The following VIT variants were observed in gnomAD, a reference collection of about 807,000 sequenced individuals.
The protein encoded by VIT is vitrin.
In VIT, 99 loss-of-function variants were observed where a neutral mutation model predicts 78.0. The observed-to-expected ratio is 1.27, with a 90% CI of 1.08 to 1.50. The LOEUF (loss-of-function observed/expected upper bound fraction) is 1.50, where lower values mean the gene tolerates loss of function less well. Ranked by LOEUF, VIT falls within the 40% of genes most tolerant of loss-of-function variation. The pLI is 0.00. For missense variants in VIT, 1,126 were observed against 875.3 expected (o/e 1.29, Z -3.61); for synonymous variants, 374 against 334.3 (o/e 1.12, Z -1.29).
intron 12 of VIT, among the ~76,000 whole-genome samples, chr2:36,796,250 A>G (rs1665893955): frequency 6.6e-6 from 1 of 152,246 alleles, no homozygotes; most frequent in African/African-American, 2.4e-5. Flanking sequence ...TACTGCATAT[A>G]ATTAACTATT....
intron 1 of VIT, among the ~76,000 whole-genome samples, chr2:36,703,283 G>A (rs73924159): frequency 2.6e-5 from 4 of 152,270 alleles, no homozygotes; most frequent in African/African-American, 9.6e-5. Context: ...ACAAGTTATA[G>A]GCATTTTCCC....
At chr2:36,764,384 G>A (rs1369518481) in intron 6 of VIT, among the ~76,000 whole-genome samples, 2 of 152,234 alleles carry the variant, frequency 1.3e-5, no homozygotes, top group Non-Finnish European at 2.9e-5. Flanking sequence ...ATGCCTGGTA[G>A]CATTACCAGA....
At chr2:36,756,028 G>T (rs1668743376) in intron 5 of VIT, among the ~76,000 whole-genome samples, 1 of 145,518 alleles carries the variant, frequency 6.9e-6, no homozygotes, top group South Asian at 2.2e-4. Context: ...CACGATCTCG[G>T]CTCACCGCAA....
chr2:36,706,913 C>T (rs551683877), intron 1 of VIT, among the ~76,000 whole-genome samples: 21 of 152,090 alleles, frequency 1.4e-4, no homozygotes, highest in Non-Finnish European at 2.6e-4. Flanking sequence ...GTAGAAAGTG[C>T]GCAATATTAA....
chr2:36,744,448 A>G (rs775189448), intron 4 of VIT, among the ~76,000 whole-genome samples: 9 of 152,234 alleles, frequency 5.9e-5, no homozygotes, highest in Non-Finnish European at 1.0e-4. Context: ...CCAACAATGT[A>G]TAAGCATTCC....
intron 2 of VIT, 101 bp downstream of exon 2, chr2:36,716,523 A>T: frequency 1.1e-6 from 1 of 935,626 alleles, no homozygotes; most frequent in Non-Finnish European, 1.7e-6. Context: ...GAGCATATAA[A>T]CAATACAGTG....
intron 12 of VIT, among the ~76,000 whole-genome samples, chr2:36,800,076 G>A (rs1201985632): frequency 1.3e-5 from 2 of 151,756 alleles, no homozygotes; most frequent in Non-Finnish European, 2.9e-5. Context: ...GCCGGGCACG[G>A]TGGCTCACGC....
chr2:36,717,170 C>T (rs192817252), intron 2 of VIT, among the ~76,000 whole-genome samples: 1,584 of 149,042 alleles, frequency 0.011, 29 homozygotes, highest in African/African-American at 0.038. Context: ...CCACCACGCC[C>T]GGCCAGAGAT....
At chr2:36,735,608 G>A (rs1270376419) in intron 3 of VIT, among the ~76,000 whole-genome samples, 2 of 152,218 alleles carry the variant, frequency 1.3e-5, no homozygotes, top group Non-Finnish European at 2.9e-5. Flanking sequence ...GGCAGAGGTG[G>A]GGAAGCCCTG....
Position 36,716,239 on chromosome 2 carries a change from C to T in VIT, c.-18-114C>T, listed in dbSNP as rs559920505. 135 of 733,252 alleles carry T rather than the reference C, an allele frequency of 1.8e-4. No homozygotes were observed. The African/African-American group carries it at 2.1e-3, about 11-fold the overall frequency. The allele number at this position is 733,252 out of a possible 1,614,324, so 45.4% of individuals were successfully genotyped here. On this transcript the variant is annotated intron_variant, in intron 1 of 15. Coordinates refer to ENST00000379242, the MANE Select transcript of VIT (RefSeq NM_053276.4). ...CTTATGGAAATCTATAGCCTGGAATCGTAAGACTCCAGAGGGCAATGCAAA... is the reference window on the plus strand; with the variant it reads ...CTTATGGAAATCTATAGCCTGGAATTGTAAGACTCCAGAGGGCAATGCAAA...
intron 9 of VIT, among the ~76,000 whole-genome samples, chr2:36,780,842 G>A (rs1454824932): frequency 1.3e-5 from 2 of 152,074 alleles, no homozygotes; most frequent in Non-Finnish European, 2.9e-5. Flanking sequence ...GGGGAGACAT[G>A]GAAAAGAGAG....
intron 4 of VIT, among the ~76,000 whole-genome samples, chr2:36,744,187 T>C (rs1424921692): frequency 6.6e-6 from 1 of 152,228 alleles, no homozygotes; most frequent in Non-Finnish European, 1.5e-5. Context: ...ATGTACCACA[T>C]TTTCTTTATC....
intron 11 of VIT, among the ~76,000 whole-genome samples, chr2:36,784,295 C>A (rs192591776): frequency 1.4e-4 from 21 of 152,318 alleles, no homozygotes; most frequent in Admixed American, 3.9e-4. Context: ...ATGAGAATCA[C>A]CTGAAGACAT....
chr2:36,787,096 A>T (rs942202491), intron 11 of VIT, 33 bp from the exon 12 acceptor site: 1 of 1,612,622 alleles, frequency 6.2e-7, no homozygotes, highest in Admixed American at 1.7e-5. Flanking sequence ...GTGAGAGATC[A>T]TGAGAATAAT....
rs747108413 is a variant in VIT at position 36,743,158 on chromosome 2, T to G, written c.177T>G (p.Ile59Met). ...GAAAGATCATCGATCCTGAGTTCATTGTGAAATGTCCAGCAGGATGCCAAG... is the reference window on the plus strand; with the variant it reads ...GAAAGATCATCGATCCTGAGTTCATGGTGAAATGTCCAGCAGGATGCCAAG... ...KAGKIIDPEF[I>M]VKCPAGCQDP... The change falls in exon 4 of 16, where the codon ATT becomes ATG. Residue 59 changes from isoleucine (I) to methionine (M), a missense_variant. Coordinates refer to ENST00000379242, the MANE Select transcript of VIT (RefSeq NM_053276.4). The G allele has an allele frequency of 3.1e-6, 5 of 1,614,074 alleles. No individual in the cohort carries two copies. In the East Asian group the frequency reaches 8.9e-5, roughly 29 times the overall value.
At position 36,775,073 on chromosome 2, in the gene VIT, C is replaced by T. The variant is rs1486460006; in HGVS notation, c.802+6C>T. 4 of 1,613,598 alleles carry T rather than the reference C, an allele frequency of 2.5e-6. No homozygotes were observed. ...TGGAGCGGATGTCAGCCTGGGTAAG[C>T]TGCCCACTGCTTACCATCTCTGCTC... On this transcript the variant is annotated splice_donor_region_variant and intron_variant, in intron 9 of 15. Transcript: ENST00000379242.
intron 2 of VIT, among the ~76,000 whole-genome samples, chr2:36,717,144 G>A (rs1558510311): frequency 2.0e-5 from 3 of 150,872 alleles, no homozygotes; most frequent in Admixed American, 1.3e-4. Flanking sequence ...CAAAGTGCTG[G>A]GATTACAGGC....
At chr2:36,706,683 A>G (rs1313035374) in intron 1 of VIT, among the ~76,000 whole-genome samples, 1 of 152,190 alleles carries the variant, frequency 6.6e-6, no homozygotes, top group Non-Finnish European at 1.5e-5. Flanking sequence ...TTGCTAGATC[A>G]CAAGCTTTTG....
At chr2:36,791,364 G>A (rs1204724791) in intron 12 of VIT, among the ~76,000 whole-genome samples, 1 of 152,146 alleles carries the variant, frequency 6.6e-6, no homozygotes, top group African/African-American at 2.4e-5. Context: ...CAGAGTTGAG[G>A]GGAAGAAGCA....
Sources: allele counts gnomAD v4.1 joint callset (sites outside exome capture counted in the v4.1 genomes callset), GRCh38; gene constraint gnomAD v4.1.1; transcripts MANE v1.5; gene names NCBI Gene and HGNC (gene_info 2026-07-23, HGNC 2026-07-21).